The following ADGRG2 variants were observed in gnomAD, a reference collection of about 807,000 sequenced individuals.
ADGRG2 encodes the protein G protein-coupled receptor 64.
ADGRG2 carries 26 observed loss-of-function variants against 74.1 expected under a neutral mutation model. That is an observed-to-expected ratio of 0.35 (90% CI 0.26 to 0.49). The LOEUF (loss-of-function observed/expected upper bound fraction) is 0.49, where lower values mean the gene tolerates loss of function less well. Among genes scored for constraint, ADGRG2 ranks in the 20% least tolerant of loss-of-function variants. The pLI, the probability that ADGRG2 is intolerant of heterozygous loss-of-function variation, is 0.99. For synonymous variants in ADGRG2, 296 were observed against 295.2 expected (o/e 1.00, Z -0.03); for missense variants, 619 against 763.1 (o/e 0.81, Z 2.22).
chrX:19,107,442 T>TA (rs1308350103), intron 1 of ADGRG2, among the ~76,000 whole-genome samples: 1 of 112,234 alleles, frequency 8.9e-6, no homozygotes. Flanking sequence ...TGTCAACCAA[T>TA]ACACCACAAA....
chrX:19,049,772 G>C (rs964778728), intron 3 of ADGRG2, among the ~76,000 whole-genome samples: 1 of 111,104 alleles, frequency 9.0e-6, no homozygotes, highest in African/African-American at 3.3e-5. Flanking sequence ...CTCCAGAAAA[G>C]ATAGAGTGTG....
At chrX:19,001,234 T>C (rs1261544456) in intron 24 of ADGRG2, among the ~76,000 whole-genome samples, 1 of 110,558 alleles carries the variant, frequency 9.0e-6, no homozygotes, top group Non-Finnish European at 1.9e-5. Context: ...ACACTTCCCT[T>C]CAGAGAAGGT....
At chrX:19,086,875 G>A (rs186467147) in intron 1 of ADGRG2, among the ~76,000 whole-genome samples, 39 of 111,648 alleles carry the variant, frequency 3.5e-4, no homozygotes, top group Non-Finnish European at 7.2e-4. Context: ...TCCTGGCAAT[G>A]ACACTGACAC....
chrX:19,010,130 T>G (rs1003791701), intron 17 of ADGRG2, among the ~76,000 whole-genome samples: 2 of 107,556 alleles, frequency 1.9e-5, no homozygotes, highest in Admixed American at 1.0e-4. Context: ...TTTGTTTTTT[T>G]TTTTTTTTGA....
At chrX:19,012,095 A>G (rs960829382) in intron 16 of ADGRG2, among the ~76,000 whole-genome samples, 2 of 112,097 alleles carry the variant, frequency 1.8e-5, no homozygotes, top group African/African-American at 6.5e-5. Context: ...AAATGCCCCC[A>G]AGTTTCTGTA....
At chrX:19,059,596 C>T (rs771220293) in intron 3 of ADGRG2, among the ~76,000 whole-genome samples, 1 of 109,642 alleles carries the variant, frequency 9.1e-6, no homozygotes, top group Non-Finnish European at 1.9e-5. Flanking sequence ...TGAAGTAGTA[C>T]TAAAGAATCT....
intron 3 of ADGRG2, among the ~76,000 whole-genome samples, chrX:19,047,818 G>A (rs760861509): frequency 2.7e-5 from 3 of 111,647 alleles, no homozygotes; most frequent in East Asian, 2.8e-4. Flanking sequence ...GGCATTTTCC[G>A]AGTTTACTAC....
At chrX:19,056,944 C>T (rs887319303) in intron 3 of ADGRG2, among the ~76,000 whole-genome samples, 11 of 111,322 alleles carry the variant, frequency 9.9e-5, no homozygotes, top group Non-Finnish European at 2.1e-4. Flanking sequence ...TTCTAACATT[C>T]CTCTGCTTGT....
intron 1 of ADGRG2, among the ~76,000 whole-genome samples, chrX:19,108,209 G>A (rs2062348842): frequency 9.1e-6 from 1 of 110,053 alleles, no homozygotes; most frequent in African/African-American, 3.3e-5. Context: ...GCTCATGCCT[G>A]TAATCCCAGC....
intron 2 of ADGRG2, among the ~76,000 whole-genome samples, chrX:19,070,741 G>A (rs768451244): frequency 2.7e-5 from 3 of 112,126 alleles, no homozygotes; most frequent in Non-Finnish European, 3.8e-5. Flanking sequence ...GCCCTAGAGT[G>A]AGTGTGAATA....
chrX:19,039,727 T>C (rs1263471784), intron 4 of ADGRG2, among the ~76,000 whole-genome samples: 1 of 112,136 alleles, frequency 8.9e-6, no homozygotes, highest in Non-Finnish European at 1.9e-5. Context: ...GGTTCTAATG[T>C]ATTTGCCTTC....
In ADGRG2 at chrX:19,037,481, G is replaced by C; in HGVS notation, c.212C>G (p.Thr71Arg). Reference protein sequence around the residue: ...PSSNGTPEVETTSLNDVTLSL... With the variant: ...PSSNGTPEVERTSLNDVTLSL... ...AAAATTCTTACCATTGAGGCTTGTT[G>C]TTTCAACCTCTTTTTGTCCCGAGGA... is the stretch of plus-strand genomic sequence containing the variant. Residue 71 changes from threonine to arginine, a missense_variant, in exon 6 of 29, where the codon ACA (threonine) becomes AGA (arginine). Thr to Arg is a moderately conservative substitution (Grantham distance 71). This residue lies in a region of ADGRG2 where 292 missense variants were observed against 318.0 expected (regional missense o/e 0.92). Coordinates refer to ENST00000379869, the MANE Select transcript of ADGRG2 (RefSeq NM_001079858.3). 1 of 1,181,205 alleles carries C rather than the reference G, an allele frequency of 8.5e-7. No individual in the cohort carries two copies. The highest frequency in any genetic ancestry group is 1.1e-6 in the Non-Finnish European group (1 of 872,668).
chrX:19,003,220 AGTAGC>A, intron 23 of ADGRG2, 106 bp from the exon 24 acceptor site: 1 of 557,800 alleles, frequency 1.8e-6, no homozygotes, highest in Non-Finnish European at 3.0e-6. Flanking sequence ...GCTGGAGTGC[AGTAGC>A]GTGATCTCAG....
rs778837075 is a variant in ADGRG2, at chrX:19,003,048, G to A, written c.2028C>T (p.Asn676=). ...IQLCAALLLL[N]LVFLLDSWIA... Reference sequence around the variant, plus strand: ...TCCACGAGTCCAGGAGGAAGACCAGGTTCAGCAGAAGCAGAGCAGCACACA... The same window carrying A: ...TCCACGAGTCCAGGAGGAAGACCAGATTCAGCAGAAGCAGAGCAGCACACA... The change falls in exon 24 of 29, where the codon AAC becomes AAT. Residue 676 remains asparagine, a synonymous_variant. Transcript: ENST00000379869. 2 of 1,200,458 alleles carry A rather than the reference G, an allele frequency of 1.7e-6. No homozygotes were observed. Among genetic ancestry groups the A allele is most frequent in the South Asian group, 3.5e-5 (2 of 56,754 alleles).
At chrX:19,114,619 G>C (rs1031751844) in intron 1 of ADGRG2, among the ~76,000 whole-genome samples, 1 of 110,627 alleles carries the variant, frequency 9.0e-6, no homozygotes, top group African/African-American at 3.3e-5. Context: ...CAGCATCCTC[G>C]ACCTCTCCCC....
intron 3 of ADGRG2, among the ~76,000 whole-genome samples, chrX:19,067,955 C>A (rs1312893749): frequency 8.9e-6 from 1 of 112,111 alleles, no homozygotes; most frequent in Admixed American, 9.5e-5. Flanking sequence ...ACACCCATTA[C>A]CAAAACAACA....
At chrX:19,105,898 A>G (rs1418171423) in intron 1 of ADGRG2, among the ~76,000 whole-genome samples, 3 of 90,818 alleles carry the variant, frequency 3.3e-5, no homozygotes, top group Non-Finnish European at 6.3e-5. Flanking sequence ...ACTGCACTCC[A>G]GTCTAAGCGA....
chrX:19,097,703 C>T lies in ADGRG2; in HGVS notation c.-46-14957G>A, dbSNP rs140915282. The stretch of plus-strand genomic sequence containing the variant: ...GGTCATCTCCTCCCCACCCCGGCCC[C>T]GGTGGCAGGACACCCTCACTGCATC... On this transcript the variant is annotated intron_variant, in intron 1 of 28. Transcript: ENST00000379869. Among the ~76,000 whole-genome samples, 851 of 111,535 alleles carry T rather than the reference C, an allele frequency of 7.6e-3. 1 individual carries two copies. The highest frequency in any genetic ancestry group is 0.013 in the Non-Finnish European group (697 of 53,073).
intron 13 of ADGRG2, among the ~76,000 whole-genome samples, chrX:19,022,178 T>A (rs1375411097): frequency 9.2e-6 from 1 of 108,186 alleles, no homozygotes; most frequent in Non-Finnish European, 1.9e-5. Context: ...GCAGGGAGAA[T>A]CACTTGAACC....
Sources: gnomAD v4.1 joint callset for allele counts (sites outside exome capture counted in the v4.1 genomes callset) on GRCh38, gnomAD v4.1.1 for gene constraint, gnomAD v4.1.1 regional missense constraint, MANE v1.5 for transcripts, NCBI Gene and HGNC (gene_info 2026-07-23, HGNC 2026-07-21) for gene names.